The following SETBP1 variants were observed in gnomAD, a reference collection of about 807,000 sequenced individuals.
The protein encoded by SETBP1 is SET binding protein 1, also known as SET-binding protein.
SETBP1 carries 9 observed loss-of-function variants against 101.0 expected under a neutral mutation model. The observed-to-expected ratio is 0.09, with a 90% CI of 0.05 to 0.16. The LOEUF (loss-of-function observed/expected upper bound fraction) is 0.16, where lower values mean the gene tolerates loss of function less well. Ranked by LOEUF, SETBP1 falls within the 10% of genes least tolerant of loss-of-function variation. SETBP1 has a pLI of 1.00. For synonymous variants in SETBP1, 818 were observed against 788.5 expected (o/e 1.04, Z -0.63); for missense variants, 1,858 against 2,033.8 (o/e 0.91, Z 1.66).
At chr18:44,781,448 GCTCTCT>G (rs139439080) in intron 2 of SETBP1, among the ~76,000 whole-genome samples, 14 of 142,664 alleles carry the variant, frequency 9.8e-5, no homozygotes, top group African/African-American at 7.8e-5. Context: ...TCTTTGCACC[GCTCTCT>G]CTCTCTCTCT....
chr18:44,909,752 T>C (rs982834879), intron 3 of SETBP1, among the ~76,000 whole-genome samples: 19 of 152,354 alleles, frequency 1.2e-4, no homozygotes, highest in Middle Eastern at 3.4e-3. Flanking sequence ...ACAGGTTATG[T>C]ATTTTGTCAA....
At chr18:44,921,192 C>T (rs2070571554) in intron 3 of SETBP1, among the ~76,000 whole-genome samples, 2 of 152,224 alleles carry the variant, frequency 1.3e-5, no homozygotes, top group African/African-American at 4.8e-5. Flanking sequence ...AGTCTACTGG[C>T]AGTTCAGTTG....
At chr18:45,043,489 C>T (rs747637227) in intron 5 of SETBP1, among the ~76,000 whole-genome samples, 1 of 151,698 alleles carries the variant, frequency 6.6e-6, no homozygotes, top group African/African-American at 2.4e-5. Context: ...TGGATCTCAA[C>T]TGCTCGAGGT....
rs553884568 is a variant in SETBP1 at position 45,041,976 on chromosome 18, TA to T, written c.4171+3329del. Among the ~76,000 whole-genome samples the T allele has an allele frequency of 1.5e-3, 228 of 151,496 alleles. 1 individual carries two copies. The highest frequency in any genetic ancestry group is 3.4e-3 in the Middle Eastern group (1 of 294). ...TATCTCAAAAAAAAATAAAAAATTTTAAAAAAAAGAGTGGATGCAAAAATAC... is the reference window on the plus strand; with the variant it reads ...TATCTCAAAAAAAAATAAAAAATTTTAAAAAAAGAGTGGATGCAAAAATAC... On this transcript the variant is annotated intron_variant, in intron 5 of 5. Transcript: ENST00000649279.
intron 2 of SETBP1, among the ~76,000 whole-genome samples, chr18:44,765,447 G>A (rs1800040139): frequency 6.6e-6 from 1 of 152,026 alleles, no homozygotes; most frequent in African/African-American, 2.4e-5. Flanking sequence ...TTTGGTGATG[G>A]TTTCTAATTT....
At position 44,882,796 on chromosome 18, in the gene SETBP1, C is replaced by A. The variant is rs186262475; in HGVS notation, c.540+13513C>A. Among the ~76,000 whole-genome samples the A allele has an allele frequency of 2.6e-5, 4 of 152,232 alleles. No homozygotes were observed. In the East Asian group the frequency reaches 5.8e-4, roughly 22 times the overall value. ...CATGCTATAGGCTTCAGCAACCTTG[C>A]AGATCATTTATTCTAGGCGGGGGTG... is the stretch of plus-strand genomic sequence containing the variant. On this transcript the variant is annotated intron_variant, in intron 3 of 5. Transcript: ENST00000649279.
intron 2 of SETBP1, among the ~76,000 whole-genome samples, chr18:44,804,431 C>T (rs774679189): frequency 5.9e-5 from 9 of 151,932 alleles, no homozygotes; most frequent in South Asian, 2.1e-4. Flanking sequence ...CTGTAGAGTC[C>T]GTGGAGAGCC....
chr18:44,719,558 C>T (rs1368473529), intron 2 of SETBP1, among the ~76,000 whole-genome samples: 3 of 152,164 alleles, frequency 2.0e-5, no homozygotes, highest in Non-Finnish European at 4.4e-5. Context: ...CTGACAGCTT[C>T]CCACTGGTGT....
intron 3 of SETBP1, among the ~76,000 whole-genome samples, chr18:44,909,697 A>T (rs2070258190): frequency 6.6e-6 from 1 of 152,216 alleles, no homozygotes; most frequent in Admixed American, 6.5e-5. Flanking sequence ...AAGTCAGCAC[A>T]GTTATTATTA....
rs531059974 is a variant in SETBP1, at chr18:44,966,515, A to G, written c.4000+13175A>G. Among the ~76,000 whole-genome samples the G allele has an allele frequency of 2.6e-5, 4 of 152,210 alleles. No homozygotes were observed. In the South Asian group the frequency reaches 6.2e-4, roughly 24 times the overall value. On this transcript the variant is annotated intron_variant, in intron 4 of 5. Transcript: ENST00000649279. ...ATTTTTATATGGCCTTATATTGTTT[A>G]CCTTTATATTAGGTAGGGATGTCTT...
rs570433193 is a variant in SETBP1 at position 44,843,052 on chromosome 18, C to T, written c.487-26178C>T. Among the ~76,000 whole-genome samples, 10 of 152,380 alleles carry T rather than the reference C, an allele frequency of 6.6e-5. No homozygotes were observed. In the South Asian group the frequency reaches 2.1e-3, roughly 32 times the overall value. The stretch of plus-strand genomic sequence containing the variant: ...AGCAGCCAGGCCGCTCAGCCCAGAG[C>T]TGCTCTTATGCCATGCAGGCCCTAG... On this transcript the variant is annotated intron_variant, in intron 2 of 5. Coordinates refer to ENST00000649279, the MANE Select transcript of SETBP1 (RefSeq NM_015559.3).
intron 5 of SETBP1, among the ~76,000 whole-genome samples, chr18:45,058,472 T>G (rs758470978): frequency 4.6e-5 from 7 of 152,106 alleles, no homozygotes; most frequent in Non-Finnish European, 7.4e-5. Flanking sequence ...TAGAAAAGAA[T>G]TACGGCAAAC....
chr18:44,935,585 G>T (rs140263088), intron 3 of SETBP1, among the ~76,000 whole-genome samples: 84 of 152,274 alleles, frequency 5.5e-4, no homozygotes, highest in Non-Finnish European at 9.7e-4. Context: ...TTGCATTACA[G>T]TGTTGGCCAA....
intron 4 of SETBP1, among the ~76,000 whole-genome samples, chr18:44,990,967 C>T (rs973599251): frequency 1.2e-4 from 17 of 137,158 alleles, no homozygotes; most frequent in Non-Finnish European, 1.9e-4. Flanking sequence ...AAAGAAGAAA[C>T]GGGATGGGAG....
chr18:44,868,698 GGACGGA>G (rs560335727), intron 2 of SETBP1, among the ~76,000 whole-genome samples: 7,762 of 68,608 alleles, frequency 0.11, 831 homozygotes, highest in East Asian at 0.24. Flanking sequence ...GAGAGAGAGA[GGACGGA>G]AGGAAGGGAG....
intron 2 of SETBP1, among the ~76,000 whole-genome samples, chr18:44,752,320 T>C (rs1443572087): frequency 2.0e-5 from 3 of 152,214 alleles, no homozygotes; most frequent in Admixed American, 2.0e-4. Context: ...AGCCCAGGAC[T>C]ATCTTCTTCA....
chr18:44,750,177 T>C (rs1182524176), intron 2 of SETBP1, among the ~76,000 whole-genome samples: 2 of 152,170 alleles, frequency 1.3e-5, no homozygotes, highest in Non-Finnish European at 2.9e-5. Context: ...TAACAAAATA[T>C]CATAGACTGG....
intron 2 of SETBP1, among the ~76,000 whole-genome samples, chr18:44,865,481 A>G (rs962130858): frequency 2.0e-5 from 3 of 152,156 alleles, no homozygotes; most frequent in Non-Finnish European, 4.4e-5. Flanking sequence ...CCTGACACTA[A>G]GAATGGAACT....
At position 44,760,782 on chromosome 18, in the gene SETBP1, G is replaced by T. The variant is rs528774757; in HGVS notation, c.486+58950G>T. 5.3e-5 allele frequency among the ~76,000 whole-genome samples: 8 copies of T among 152,130 alleles called. No individual in the cohort carries two copies. The South Asian group carries it at 1.2e-3, about 24-fold the overall frequency. On this transcript the variant is annotated intron_variant, in intron 2 of 5. Transcript: ENST00000649279. Reference sequence around the variant, plus strand: ...AGGTGTATATACTGTTTTTTAACTCGCAGTAAAATATATTTAAATAGCATC... The same window carrying T: ...AGGTGTATATACTGTTTTTTAACTCTCAGTAAAATATATTTAAATAGCATC...
Sources: allele counts gnomAD v4.1 joint callset (sites outside exome capture counted in the v4.1 genomes callset), GRCh38; gene constraint gnomAD v4.1.1; transcripts MANE v1.5; gene names NCBI Gene and HGNC (gene_info 2026-07-23, HGNC 2026-07-21).